BCKDHB: variants seen among roughly 807,000 people sequenced by gnomAD.
BCKDHB encodes the protein branched chain keto acid dehydrogenase E1 subunit beta.
BCKDHB carries 41 observed loss-of-function variants against 48.5 expected under a neutral mutation model. The ratio of observed to expected loss-of-function variants is 0.85; its 90% CI spans 0.66 to 1.10. The LOEUF is 1.10. BCKDHB is among the 50% of genes least tolerant of loss of function. The pLI, the probability that BCKDHB is intolerant of heterozygous loss-of-function variation, is 0.00. For synonymous variants in BCKDHB, 201 were observed against 174.8 expected, an observed-to-expected ratio of 1.15 and a Z score of -1.18; for missense variants, 496 against 494.2, an observed-to-expected ratio of 1.00 and a Z score of -0.03.
At chr6:80,304,661 A>G (rs1767762661) in intron 9 of BCKDHB, among the ~76,000 whole-genome samples, 1 of 152,152 alleles carries the variant, frequency 6.6e-6, no homozygotes, top group African/African-American at 2.4e-5. Context: ...CTGTAAATCA[A>G]TCTCACTCAG....
intron 9 of BCKDHB, among the ~76,000 whole-genome samples, chr6:80,292,027 G>T (rs1365085847): frequency 6.6e-6 from 1 of 152,152 alleles, no homozygotes; most frequent in Non-Finnish European, 1.5e-5. Flanking sequence ...GGACCTAGGA[G>T]TTGGGTAAAT....
At chr6:80,311,176 C>T (rs540614175) in intron 9 of BCKDHB, among the ~76,000 whole-genome samples, 66 of 152,270 alleles carry the variant, frequency 4.3e-4, no homozygotes, top group African/African-American at 1.6e-3. Context: ...CCTACACAAG[C>T]TCTCTCTTTT....
chr6:80,435,833 A>G, the BCKDHB span, among the ~76,000 whole-genome samples: 5 of 152,174 alleles, frequency 3.3e-5, no homozygotes, highest in Non-Finnish European at 5.9e-5. Context: ...AGAGTTCGAG[A>G]CCAGCCTGAC....
downstream of BCKDHB, among the ~76,000 whole-genome samples, chr6:80,349,662 A>G (rs1242095178): frequency 3.9e-5 from 6 of 152,244 alleles, no homozygotes; most frequent in Non-Finnish European, 7.3e-5. Flanking sequence ...GGCATAATTC[A>G]TATCAGACAA....
At chr6:80,146,835 A>C (rs1044791680) in intron 3 of BCKDHB, among the ~76,000 whole-genome samples, 1 of 152,154 alleles carries the variant, frequency 6.6e-6, no homozygotes, top group Non-Finnish European at 1.5e-5. Flanking sequence ...TAATTCTCCA[A>C]GGAGAATGTA....
At chr6:80,112,148 C>G (rs112368508) in intron 1 of BCKDHB, among the ~76,000 whole-genome samples, 32 of 152,140 alleles carry the variant, frequency 2.1e-4, no homozygotes, top group African/African-American at 7.5e-4. Flanking sequence ...AGTAAGTGTA[C>G]ATACAAATAA....
chr6:80,408,705 C>T, the BCKDHB span, among the ~76,000 whole-genome samples: 1 of 150,772 alleles, frequency 6.6e-6, no homozygotes, highest in Non-Finnish European at 1.5e-5. Flanking sequence ...TGGTGATATT[C>T]CTCTTATCAT....
the BCKDHB span, among the ~76,000 whole-genome samples, chr6:80,395,888 G>A: frequency 3.9e-5 from 6 of 152,198 alleles, no homozygotes; most frequent in African/African-American, 9.6e-5. Flanking sequence ...GATAAAAGGG[G>A]CCAGCATACA....
At chr6:80,298,516 C>G (rs976817687) in intron 9 of BCKDHB, among the ~76,000 whole-genome samples, 2 of 152,178 alleles carry the variant, frequency 1.3e-5, no homozygotes, top group East Asian at 3.9e-4. Context: ...TGGAAAAATT[C>G]AAGTTTTGTG....
Position 80,136,922 on chromosome 6 carries a change from G to A in BCKDHB, c.343+7693G>A, listed in dbSNP as rs148419155. Among the ~76,000 whole-genome samples, 269 of 152,228 alleles carry A rather than the reference G, an allele frequency of 1.8e-3. 1 individual carries two copies. The highest frequency in any genetic ancestry group is 6.1e-3 in the African/African-American group (252 of 41,554). On this transcript the variant is annotated intron_variant, in intron 3 of 9. Transcript: ENST00000320393. ...CAGTATCCCAGTGGAATACCACTTC[G>A]TACTCATTAGGATGGCTGTTATCAA...
chr6:80,109,423 A>G (rs952662761), intron 1 of BCKDHB, among the ~76,000 whole-genome samples: 34 of 152,204 alleles, frequency 2.2e-4, no homozygotes, highest in African/African-American at 8.2e-4. Flanking sequence ...TATGGGTTTT[A>G]TGTATCTGAG....
intron 3 of BCKDHB, among the ~76,000 whole-genome samples, chr6:80,167,290 C>G (rs996257400): frequency 1.3e-5 from 2 of 151,020 alleles, no homozygotes; most frequent in African/African-American, 4.9e-5. Context: ...GTTTGTGTTT[C>G]CTTTCAAATA....
chr6:80,431,217 G>T, the BCKDHB span, among the ~76,000 whole-genome samples: 1 of 152,144 alleles, frequency 6.6e-6, no homozygotes, highest in Non-Finnish European at 1.5e-5. Context: ...TTTTGCATTT[G>T]CTGAGGAGTG....
At chr6:80,195,115 A>G (rs1000012143) in intron 6 of BCKDHB, among the ~76,000 whole-genome samples, 1 of 152,154 alleles carries the variant, frequency 6.6e-6, no homozygotes, top group Non-Finnish European at 1.5e-5. Context: ...AGTTAATTTT[A>G]TCTTCTAATT....
At chr6:80,234,667 C>G (rs939513770) in intron 8 of BCKDHB, among the ~76,000 whole-genome samples, 1 of 151,964 alleles carries the variant, frequency 6.6e-6, no homozygotes, top group African/African-American at 2.4e-5. Context: ...GCCATGCGAC[C>G]CAGCAATCCC....
At chr6:80,170,976 T>C (rs184998324) in intron 5 of BCKDHB, among the ~76,000 whole-genome samples, 11 of 152,276 alleles carry the variant, frequency 7.2e-5, no homozygotes, top group African/African-American at 2.6e-4. Flanking sequence ...ATTACAGTTT[T>C]TTGCTTTGAT....
chr6:80,208,854 T>C (rs545687122), intron 8 of BCKDHB, among the ~76,000 whole-genome samples: 2 of 151,982 alleles, frequency 1.3e-5, no homozygotes, highest in South Asian at 4.1e-4. Flanking sequence ...GTAGTCCTTA[T>C]GCAAACCCTT....
intron 9 of BCKDHB, among the ~76,000 whole-genome samples, chr6:80,291,062 T>C (rs1461177102): frequency 6.6e-6 from 1 of 152,314 alleles, no homozygotes; most frequent in East Asian, 1.9e-4. Flanking sequence ...AATCTGTACC[T>C]TGTGCCAACC....
intron 6 of BCKDHB, among the ~76,000 whole-genome samples, chr6:80,181,022 C>G (rs1773386673): frequency 6.6e-6 from 1 of 152,162 alleles, no homozygotes; most frequent in African/African-American, 2.4e-5. Context: ...TTCACCAAAT[C>G]CAAGCATCTT....
Sources: gnomAD v4.1 joint callset for allele counts (sites outside exome capture counted in the v4.1 genomes callset) on GRCh38, gnomAD v4.1.1 for gene constraint, MANE v1.5 for transcripts, NCBI Gene and HGNC (gene_info 2026-07-23, HGNC 2026-07-21) for gene names.